The following SLC25A21 variants were observed in gnomAD, a reference collection of about 807,000 sequenced individuals.
SLC25A21 encodes solute carrier family 25 member 21.
SLC25A21 carries 47 observed loss-of-function variants against 43.8 expected under a neutral mutation model. The observed-to-expected ratio is 1.07, with a 90% CI of 0.85 to 1.37. The LOEUF (loss-of-function observed/expected upper bound fraction) is 1.37, where lower values mean the gene tolerates loss of function less well. Among genes scored for constraint, SLC25A21 ranks in the 40% most tolerant of loss-of-function variants. SLC25A21 has a pLI of 0.00. For missense variants in SLC25A21, 352 were observed against 350.2 expected, an observed-to-expected ratio of 1.00 and a Z score of -0.04; for synonymous variants, 131 against 121.3, an observed-to-expected ratio of 1.08 and a Z score of -0.52.
chr14:36,853,065 T>G (rs1045525551), intron 2 of SLC25A21, among the ~76,000 whole-genome samples: 5 of 152,142 alleles, frequency 3.3e-5, no homozygotes, highest in African/African-American at 1.2e-4. Context: ...CTTGTCTCAG[T>G]AGCCAAAATA....
At chr14:36,992,784 C>A (rs1020847627) in intron 1 of SLC25A21, among the ~76,000 whole-genome samples, 2 of 152,170 alleles carry the variant, frequency 1.3e-5, no homozygotes, top group Non-Finnish European at 2.9e-5. Flanking sequence ...TCAAGAAATT[C>A]TATCAGAAGA....
At chr14:37,111,889 A>G (rs1244885483) in intron 1 of SLC25A21, among the ~76,000 whole-genome samples, 1 of 152,222 alleles carries the variant, frequency 6.6e-6, no homozygotes, top group African/African-American at 2.4e-5. Flanking sequence ...ATGGAAAACT[A>G]GTATAATCAA....
chr14:37,082,828 T>A (rs1232300645), intron 1 of SLC25A21, among the ~76,000 whole-genome samples: 3 of 152,194 alleles, frequency 2.0e-5, no homozygotes, highest in Admixed American at 6.5e-5. Context: ...AGGATTTTTT[T>A]AAAGTGTTTC....
chr14:37,068,182 C>T (rs1436281650), intron 1 of SLC25A21, among the ~76,000 whole-genome samples: 1 of 152,186 alleles, frequency 6.6e-6, no homozygotes, highest in Non-Finnish European at 1.5e-5. Context: ...ATAAGGAGCT[C>T]CGAAGGATTT....
intron 1 of SLC25A21, among the ~76,000 whole-genome samples, chr14:37,096,193 T>C (rs1200119541): frequency 6.6e-6 from 1 of 152,202 alleles, no homozygotes; most frequent in Non-Finnish European, 1.5e-5. Flanking sequence ...AGTGCATTAT[T>C]GGATCAAACT....
At chr14:37,130,759 T>C (rs891399359) in intron 1 of SLC25A21, among the ~76,000 whole-genome samples, 1 of 152,182 alleles carries the variant, frequency 6.6e-6, no homozygotes, top group East Asian at 1.9e-4. Flanking sequence ...AATTAAGTAG[T>C]TTATGGAGCA....
chr14:36,952,334 T>C (rs1004140105), intron 1 of SLC25A21: 7 of 153,734 alleles, frequency 4.6e-5, no homozygotes, highest in African/African-American at 1.2e-4. Flanking sequence ...AAGCAGGAAA[T>C]AGAAACAAAT....
intron 1 of SLC25A21, among the ~76,000 whole-genome samples, chr14:37,094,593 C>T (rs1190124955): frequency 6.6e-6 from 1 of 152,058 alleles, no homozygotes; most frequent in Admixed American, 6.5e-5. Context: ...CACATACATA[C>T]TTACATTCAC....
chr14:36,729,614 C>G (rs772528741), intron 4 of SLC25A21, 48 bp from the exon 5 acceptor site: 6 of 1,506,586 alleles, frequency 4.0e-6, no homozygotes, highest in South Asian at 2.4e-5. Flanking sequence ...TTTCCTGCAA[C>G]AAACTCTTTA....
intron 6 of SLC25A21, among the ~76,000 whole-genome samples, chr14:36,713,705 C>A (rs1200496376): frequency 6.6e-6 from 1 of 152,168 alleles, no homozygotes; most frequent in East Asian, 1.9e-4. Flanking sequence ...AGGTCAGTGG[C>A]TTCTGCAGTG....
chr14:36,955,571 C>T (rs2138667369), intron 1 of SLC25A21, among the ~76,000 whole-genome samples: 1 of 152,186 alleles, frequency 6.6e-6, no homozygotes, highest in East Asian at 1.9e-4. Flanking sequence ...CTAGTAGCAA[C>T]TCACCATTAG....
intron 1 of SLC25A21, among the ~76,000 whole-genome samples, chr14:37,002,736 G>T (rs540970238): frequency 1.2e-4 from 19 of 152,286 alleles, no homozygotes; most frequent in African/African-American, 4.6e-4. Flanking sequence ...CAGTGCTAGT[G>T]AATTATCTTC....
At chr14:37,066,831 A>G (rs556632116) in intron 1 of SLC25A21, among the ~76,000 whole-genome samples, 118 of 152,306 alleles carry the variant, frequency 7.7e-4, no homozygotes, top group Admixed American at 1.5e-3. Flanking sequence ...TACCTGAATA[A>G]TAAGTTTAGA....
At chr14:37,000,889 A>G (rs950711918) in intron 1 of SLC25A21, among the ~76,000 whole-genome samples, 1 of 152,108 alleles carries the variant, frequency 6.6e-6, no homozygotes, top group African/African-American at 2.4e-5. Context: ...GAGGCCTCCC[A>G]GTCATGCTTC....
intron 1 of SLC25A21, among the ~76,000 whole-genome samples, chr14:37,035,010 T>C (rs1006605683): frequency 3.3e-5 from 5 of 152,214 alleles, no homozygotes; most frequent in African/African-American, 9.6e-5. Flanking sequence ...GCATCCTTAA[T>C]AGTAGCCCTG....
intron 1 of SLC25A21, among the ~76,000 whole-genome samples, chr14:37,117,642 G>A (rs1339977581): frequency 6.6e-6 from 1 of 152,088 alleles, no homozygotes; most frequent in East Asian, 1.9e-4. Flanking sequence ...GGGAGAGGGG[G>A]GAAGTGTAGA....
intron 1 of SLC25A21, among the ~76,000 whole-genome samples, chr14:36,967,248 T>C (rs958544644): frequency 5.3e-5 from 8 of 152,180 alleles, no homozygotes; most frequent in Admixed American, 4.6e-4. Context: ...CTCGCCTTCA[T>C]ATTTGTGGTT....
At chr14:36,777,048 A>G (rs913132087) in intron 3 of SLC25A21, among the ~76,000 whole-genome samples, 1 of 152,182 alleles carries the variant, frequency 6.6e-6, no homozygotes, top group African/African-American at 2.4e-5. Context: ...TCACGAGGTC[A>G]GGAGATTGAG....
chr14:37,103,381 C>T (rs186086859), intron 1 of SLC25A21, among the ~76,000 whole-genome samples: 9 of 152,252 alleles, frequency 5.9e-5, no homozygotes, highest in African/African-American at 1.7e-4. Flanking sequence ...GCGTCTATCA[C>T]GGGTTTAAGC....
Sources: allele counts gnomAD v4.1 joint callset (sites outside exome capture counted in the v4.1 genomes callset), GRCh38; gene constraint gnomAD v4.1.1; transcripts MANE v1.5; gene names NCBI Gene and HGNC (gene_info 2026-07-23, HGNC 2026-07-21).